NPHP4: variants seen among roughly 807,000 people sequenced by gnomAD.
NPHP4 encodes the protein nephrocystin-4.
A neutral mutation model predicts 155.8 loss-of-function variants in NPHP4; 151 were observed. The observed-to-expected ratio is 0.97, with a 90% CI of 0.85 to 1.11. NPHP4 has a LOEUF of 1.11. NPHP4 is among the 50% of genes least tolerant of loss of function. The pLI is 0.00. For missense variants in NPHP4, 1,956 were observed against 1,925.7 expected, an observed-to-expected ratio of 1.02 and a Z score of -0.29; for synonymous variants, 845 against 816.8, an observed-to-expected ratio of 1.03 and a Z score of -0.59.
At chr1:5,951,242 C>T (rs989713587) in intron 7 of NPHP4, among the ~76,000 whole-genome samples, 5 of 152,218 alleles carry the variant, frequency 3.3e-5, no homozygotes, top group Admixed American at 2.0e-4. Context: ...CGTCCTTCCT[C>T]GTGTCGCGCA....
chr1:5,879,617 G>C lies in NPHP4; in HGVS notation c.2611+497C>G, dbSNP rs180914600. The C allele has an allele frequency of 1.4e-3, 734 of 518,816 alleles. 1 individual carries two copies. The highest frequency in any genetic ancestry group is 2.4e-3 in the Non-Finnish European group (624 of 259,994). 32.1% of individuals were successfully genotyped at this position (518,816 alleles called of 1,614,324 possible). A position where few individuals can be genotyped will look rare whatever the true frequency, so the allele number is the denominator to read the frequency against. Reference sequence around the variant, plus strand: ...TCCCACTTCTCCAAACAGCACAGTCGCCTGCAGAGCCCAGCCTAGAGCACC... The same window carrying C: ...TCCCACTTCTCCAAACAGCACAGTCCCCTGCAGAGCCCAGCCTAGAGCACC... On this transcript the variant is annotated intron_variant, in intron 19 of 29. Coordinates refer to ENST00000378156, the MANE Select transcript of NPHP4 (RefSeq NM_015102.5).
At chr1:5,915,023 A>G (rs1645395752) in intron 11 of NPHP4, among the ~76,000 whole-genome samples, 1 of 152,188 alleles carries the variant, frequency 6.6e-6, no homozygotes, top group Non-Finnish European at 1.5e-5. Context: ...AGGGGTCCTA[A>G]CAGAGGAAAA....
rs200320780 is a variant in NPHP4 at position 5,873,258 on chromosome 1, G to A, written c.3309C>T (p.His1103=). ...TCCTCCGTTGCCCCTTTACCTTGGCGTGTTTAGTGGGCACTGCGCTGGACT... is the reference window on the plus strand; with the variant it reads ...TCCTCCGTTGCCCCTTTACCTTGGCATGTTTAGTGGGCACTGCGCTGGACT... ...PWKSSAVPTK[H]AKVLFRASGG... The change falls in exon 23 of 30, where the codon CAC becomes CAT. Residue 1103 remains histidine (H), a synonymous_variant. Transcript: ENST00000378156. 170 of 1,613,318 alleles carry A rather than the reference G, an allele frequency of 1.1e-4. No homozygotes were observed. The Middle Eastern group carries it at 1.2e-3, about 11-fold the overall frequency.
intron 11 of NPHP4, among the ~76,000 whole-genome samples, chr1:5,911,189 T>C (rs759886078): frequency 6.6e-6 from 1 of 152,166 alleles, no homozygotes; most frequent in Non-Finnish European, 1.5e-5. Flanking sequence ...CCAGCTGTCC[T>C]CAAAGCCGAT....
chr1:5,970,370 G>A lies in NPHP4; in HGVS notation c.280-1111C>T, dbSNP rs189776879. On this transcript the variant is annotated intron_variant, in intron 3 of 29. Transcript: ENST00000378156. ...ATACAAAAATTAGCCAGGCATGGTG[G>A]TGCACACCTGTGGTCCCAGCTACTT... 3.9e-5 allele frequency among the ~76,000 whole-genome samples: 6 copies of A among 152,120 alleles called. No homozygotes were observed. In the East Asian group the frequency reaches 1.2e-3, roughly 29 times the overall value.
chr1:5,969,608 G>A (rs1353694929), intron 3 of NPHP4, among the ~76,000 whole-genome samples: 5 of 152,206 alleles, frequency 3.3e-5, no homozygotes, highest in Non-Finnish European at 7.3e-5. Flanking sequence ...TGGGGCTAGA[G>A]CAGCTATGCA....
intron 20 of NPHP4, 30 bp from the exon 21 acceptor site, chr1:5,875,130 G>A: frequency 6.5e-7 from 1 of 1,531,044 alleles, no homozygotes; most frequent in South Asian, 1.2e-5. Context: ...GGTGGACAGG[G>A]TCCCAGGCAC....
chr1:5,946,997 A>C (rs1316347961), intron 9 of NPHP4, 107 bp downstream of exon 9: 50 of 1,157,176 alleles, frequency 4.3e-5, no homozygotes, highest in Admixed American at 1.8e-5. Flanking sequence ...ATTATTTATA[A>C]TAATCATGCC....
At chr1:5,947,452 T>A (rs891300438) in intron 8 of NPHP4, among the ~76,000 whole-genome samples, 107 of 152,354 alleles carry the variant, frequency 7.0e-4, no homozygotes, top group African/African-American at 2.4e-3. Context: ...TAGGCTGCCA[T>A]GACTGGTCTC....
At chr1:5,885,829 T>A (rs539326044) in intron 18 of NPHP4, among the ~76,000 whole-genome samples, 1 of 152,124 alleles carries the variant, frequency 6.6e-6, no homozygotes, top group Non-Finnish European at 1.5e-5. Context: ...CACCTTTTTT[T>A]CCAAAAAACG....
intron 1 of NPHP4, among the ~76,000 whole-genome samples, chr1:5,988,943 A>T (rs1227838070): frequency 2.6e-5 from 4 of 152,214 alleles, no homozygotes; most frequent in African/African-American, 9.7e-5. Context: ...GTGTGAATCC[A>T]GCAGGCACAC....
At chr1:5,877,069 A>T (rs767530131) in intron 20 of NPHP4, 24 bp downstream of exon 20, 4 of 1,460,816 alleles carry the variant, frequency 2.7e-6, no homozygotes, top group Admixed American at 2.0e-5. Context: ...ATCCCAGGAC[A>T]GTGACAGCTG....
intron 17 of NPHP4, 123 bp from the exon 18 acceptor site, chr1:5,887,589 G>A (rs536828965): frequency 3.5e-5 from 36 of 1,026,336 alleles, no homozygotes; most frequent in South Asian, 2.3e-4. Context: ...GGGGGTGTGC[G>A]CAGGATAAGA....
intron 6 of NPHP4, among the ~76,000 whole-genome samples, chr1:5,960,584 G>A (rs1162725783): frequency 6.6e-6 from 1 of 152,046 alleles, no homozygotes; most frequent in African/African-American, 2.4e-5. Flanking sequence ...CAGGGAGTCA[G>A]TCACCCAAGA....
At chr1:5,979,804 A>G (rs1654350824) in intron 2 of NPHP4, among the ~76,000 whole-genome samples, 1 of 151,978 alleles carries the variant, frequency 6.6e-6, no homozygotes, top group South Asian at 2.1e-4. Context: ...GTAAGCCACC[A>G]TGCCCGGCCT....
intron 3 of NPHP4, among the ~76,000 whole-genome samples, chr1:5,976,953 T>C (rs907864143): frequency 6.6e-5 from 10 of 152,144 alleles, no homozygotes; most frequent in Non-Finnish European, 2.9e-5. Context: ...ACGGCCACTG[T>C]CACCGCCACT....
intron 6 of NPHP4, among the ~76,000 whole-genome samples, chr1:5,956,772 A>G (rs1351794953): frequency 6.6e-6 from 1 of 152,172 alleles, no homozygotes; most frequent in South Asian, 2.1e-4. Flanking sequence ...TTAAGACACA[A>G]CTTTCATGAT....
At chr1:5,916,128 G>A (rs1401721348) in intron 11 of NPHP4, among the ~76,000 whole-genome samples, 1 of 152,094 alleles carries the variant, frequency 6.6e-6, no homozygotes, top group Non-Finnish European at 1.5e-5. Context: ...CAAAATATAG[G>A]TCAGGGAAAT....
At chr1:5,929,367 T>C (rs2101692225) in intron 10 of NPHP4, among the ~76,000 whole-genome samples, 1 of 152,324 alleles carries the variant, frequency 6.6e-6, no homozygotes, top group Middle Eastern at 3.4e-3. Context: ...GGACATCCTT[T>C]ACTTGTTCCT....
Sources: gnomAD v4.1 joint callset for allele counts (sites outside exome capture counted in the v4.1 genomes callset) on GRCh38, gnomAD v4.1.1 for gene constraint, MANE v1.5 for transcripts, NCBI Gene and HGNC (gene_info 2026-07-23, HGNC 2026-07-21) for gene names.